Variants in CACNA2D3 observed in about 807,000 individuals in gnomAD.
CACNA2D3 encodes voltage-dependent calcium channel subunit alpha-2/delta-3.
A neutral mutation model predicts 160.6 loss-of-function variants in CACNA2D3; 60 were observed. The observed-to-expected ratio is 0.37, with a 90% CI of 0.30 to 0.46. The LOEUF (loss-of-function observed/expected upper bound fraction) is 0.46. CACNA2D3 is among the 20% of genes least tolerant of loss of function. The pLI is 1.00. For synonymous variants in CACNA2D3, 558 were observed against 492.9 expected, an observed-to-expected ratio of 1.13 and a Z score of -1.75; for missense variants, 1,205 against 1,365.0, an observed-to-expected ratio of 0.88 and a Z score of 1.85.
chr3:54,438,789 G>C (rs1700097708), intron 4 of CACNA2D3, among the ~76,000 whole-genome samples: 1 of 152,186 alleles, frequency 6.6e-6, no homozygotes, highest in South Asian at 2.1e-4. Flanking sequence ...ATAGATTGGT[G>C]ATCATCTTTA....
At chr3:54,970,440 C>A (rs1319036400) in intron 29 of CACNA2D3, among the ~76,000 whole-genome samples, 7 of 125,318 alleles carry the variant, frequency 5.6e-5, no homozygotes, top group South Asian at 3.0e-4. Context: ...CTCTCCTCCC[C>A]TCCCCTCCCC....
chr3:54,645,380 C>T (rs559985342), intron 11 of CACNA2D3, among the ~76,000 whole-genome samples: 9 of 152,274 alleles, frequency 5.9e-5, no homozygotes, highest in Non-Finnish European at 7.4e-5. Flanking sequence ...CAAACCATAT[C>T]GTTATTCTAT....
At chr3:54,757,887 C>G (rs1423082027) in intron 12 of CACNA2D3, among the ~76,000 whole-genome samples, 1 of 152,204 alleles carries the variant, frequency 6.6e-6, no homozygotes, top group Non-Finnish European at 1.5e-5. Context: ...TCCAAAGCCC[C>G]AGCCTGAACT....
intron 2 of CACNA2D3, among the ~76,000 whole-genome samples, chr3:54,174,346 A>G (rs1309242922): frequency 6.6e-6 from 1 of 152,206 alleles, no homozygotes; most frequent in Non-Finnish European, 1.5e-5. Context: ...ACAGGCAAAA[A>G]GAAGATGCCT....
At chr3:54,879,809 C>T (rs930587389) in intron 20 of CACNA2D3, among the ~76,000 whole-genome samples, 2 of 152,336 alleles carry the variant, frequency 1.3e-5, no homozygotes, top group Admixed American at 1.3e-4. Flanking sequence ...CATATCCATT[C>T]CTACATGTTG....
chr3:55,061,128 C>T (rs1704496639), intron 35 of CACNA2D3, among the ~76,000 whole-genome samples: 3 of 152,252 alleles, frequency 2.0e-5, no homozygotes, highest in South Asian at 4.1e-4. Flanking sequence ...CACTGCCCTG[C>T]AGGCAAAGCA....
chr3:54,157,345 G>A (rs1700261835), intron 2 of CACNA2D3, among the ~76,000 whole-genome samples: 1 of 152,224 alleles, frequency 6.6e-6, no homozygotes, highest in Non-Finnish European at 1.5e-5. Context: ...TTTGGAGTGT[G>A]TGTAGGGGGA....
At chr3:54,152,445 A>G (rs567616465) in intron 2 of CACNA2D3, among the ~76,000 whole-genome samples, 24 of 152,330 alleles carry the variant, frequency 1.6e-4, no homozygotes, top group African/African-American at 3.1e-4. Flanking sequence ...CTTTGATTCA[A>G]TGCATATGAG....
chr3:54,991,182 C>T (rs968978583), intron 31 of CACNA2D3, among the ~76,000 whole-genome samples: 3 of 150,954 alleles, frequency 2.0e-5, no homozygotes, highest in Middle Eastern at 3.4e-3. Flanking sequence ...GGGCCCAGTG[C>T]AAAATAAAAA....
intron 14 of CACNA2D3, 78 bp from the exon 15 acceptor site, chr3:54,837,081 A>G: frequency 8.0e-7 from 1 of 1,242,916 alleles, no homozygotes; most frequent in African/African-American, 1.5e-5. Context: ...TGGAAAGGAC[A>G]TGATTGTCAA....
chr3:54,296,359 C>T (rs1168551447), intron 2 of CACNA2D3, among the ~76,000 whole-genome samples: 1 of 152,172 alleles, frequency 6.6e-6, no homozygotes, highest in East Asian at 1.9e-4. Context: ...TAGGAAAGTA[C>T]AGCTGGACTT....
At chr3:54,896,722 G>A in intron 25 of CACNA2D3, 27 bp from the exon 26 acceptor site, 1 of 1,613,912 alleles carries the variant, frequency 6.2e-7, no homozygotes, top group Non-Finnish European at 8.5e-7. Context: ...AGTGATGCAT[G>A]TTCTTCTGAT....
intron 35 of CACNA2D3, among the ~76,000 whole-genome samples, chr3:55,041,646 A>G (rs1288793852): frequency 2.0e-5 from 3 of 151,990 alleles, no homozygotes; most frequent in African/African-American, 7.2e-5. Context: ...AAATATGTCC[A>G]TATTGTTCAC....
rs1406059160 is a variant in CACNA2D3, at chr3:54,969,815, G to A, written c.2527G>A (p.Gly843Ser). The part of the protein sequence containing the change: ...TASRQCASLD[G>S]KCSISCDDET... Reference sequence around the variant, plus strand: ...GCCTTCACAGTGTGCTTCCCTGGATGGCAAATGCTCCATCAGCTGTGATGA... The same window carrying A: ...GCCTTCACAGTGTGCTTCCCTGGATAGCAAATGCTCCATCAGCTGTGATGA... The change falls in exon 29 of 38, where the codon GGC (glycine) becomes AGC (serine). Residue 843 changes from glycine (G) to serine (S), a missense_variant. Gly to Ser is a moderately conservative substitution (Grantham distance 56, BLOSUM62 0). Coordinates refer to ENST00000474759, the MANE Select transcript of CACNA2D3 (RefSeq NM_018398.3). The A allele has an allele frequency of 1.2e-6, 2 of 1,613,466 alleles. No homozygotes were observed. The highest frequency in any genetic ancestry group is 1.7e-5 in the Admixed American group (1 of 59,990).
At chr3:54,783,574 C>T (rs2107133965) in intron 13 of CACNA2D3, among the ~76,000 whole-genome samples, 1 of 151,946 alleles carries the variant, frequency 6.6e-6, no homozygotes, top group Admixed American at 6.6e-5. Flanking sequence ...CCACTGCACT[C>T]CAGCCTGGGT....
intron 34 of CACNA2D3, among the ~76,000 whole-genome samples, chr3:55,011,321 C>T (rs1320732200): frequency 6.6e-6 from 1 of 152,210 alleles, no homozygotes; most frequent in African/African-American, 2.4e-5. Context: ...TTTTGCTCCT[C>T]CCTGCTGGGT....
chr3:54,711,038 A>G (rs1193001936), intron 11 of CACNA2D3, among the ~76,000 whole-genome samples: 3 of 150,890 alleles, frequency 2.0e-5, no homozygotes, highest in African/African-American at 7.5e-5. Context: ...CCATCAAATA[A>G]CAAACAGGGG....
intron 11 of CACNA2D3, among the ~76,000 whole-genome samples, chr3:54,664,236 A>G (rs1266402274): frequency 6.6e-6 from 1 of 152,224 alleles, no homozygotes; most frequent in Non-Finnish European, 1.5e-5. Flanking sequence ...GCCCTGCACA[A>G]CAAGGCCAGT....
Position 55,041,373 on chromosome 3 carries a change from C to A in CACNA2D3, c.2987+23056C>A, listed in dbSNP as rs148234441. On this transcript the variant is annotated intron_variant, in intron 35 of 37. Transcript: ENST00000474759. The stretch of plus-strand genomic sequence containing the variant: ...ATGGAAGTTGTATCATTTTGCATTT[C>A]TTCTAGTAATGTATGCAAGTACCTG... 3.3e-5 allele frequency among the ~76,000 whole-genome samples: 5 copies of A among 152,288 alleles called. No homozygotes were observed. The East Asian group carries it at 9.6e-4, about 29-fold the overall frequency.
Sources: gnomAD v4.1 joint callset for allele counts (sites outside exome capture counted in the v4.1 genomes callset) on GRCh38, gnomAD v4.1.1 for gene constraint, MANE v1.5 for transcripts, NCBI Gene and HGNC (gene_info 2026-07-23, HGNC 2026-07-21) for gene names.